CNTNAP2: variants seen among roughly 807,000 people sequenced by gnomAD.
CNTNAP2 encodes the protein contactin-associated protein-like 2.
A neutral mutation model predicts 155.2 loss-of-function variants in CNTNAP2; 98 were observed. The observed-to-expected ratio is 0.63, with a 90% CI of 0.54 to 0.75. The LOEUF is 0.75. Ranked by LOEUF, CNTNAP2 falls within the 30% of genes least tolerant of loss-of-function variation. CNTNAP2 has a pLI of 0.00. For missense variants in CNTNAP2, 1,727 were observed against 1,688.1 expected (o/e 1.02, Z -0.40); for synonymous variants, 651 against 631.2 (o/e 1.03, Z -0.47).
chr7:147,815,520 C>T (rs1242073010), intron 13 of CNTNAP2, among the ~76,000 whole-genome samples: 2 of 152,196 alleles, frequency 1.3e-5, no homozygotes, highest in African/African-American at 4.8e-5. Context: ...TTGACTTTCT[C>T]TTCTTCCACA....
chr7:147,003,661 A>G lies in CNTNAP2; in HGVS notation c.403-40246A>G, dbSNP rs116845058. On this transcript the variant is annotated intron_variant, in intron 3 of 23. Coordinates refer to ENST00000361727, the MANE Select transcript of CNTNAP2 (RefSeq NM_014141.6). ...GATATATATACAAGAATGCCACAGT[A>G]AAGAGTGGATAATGGTGATTTTGAG... is the stretch of plus-strand genomic sequence containing the variant. Among the ~76,000 whole-genome samples the G allele has an allele frequency of 4.1e-3, 621 of 152,152 alleles. 2 individuals are homozygous for G. The highest frequency in any genetic ancestry group is 5.8e-3 in the Non-Finnish European group (393 of 67,964).
intron 11 of CNTNAP2, among the ~76,000 whole-genome samples, chr7:147,539,295 T>TTC (rs1332763847): frequency 4.6e-5 from 7 of 152,164 alleles, no homozygotes; most frequent in Non-Finnish European, 7.4e-5. Flanking sequence ...TCTCTAAATG[T>TTC]TCATTCCTCA....
chr7:147,366,334 A>G (rs953859659), intron 9 of CNTNAP2, among the ~76,000 whole-genome samples: 5 of 152,050 alleles, frequency 3.3e-5, no homozygotes, highest in Non-Finnish European at 7.4e-5. Flanking sequence ...ATCTTTCCAG[A>G]GAATATGTTC....
intron 21 of CNTNAP2, among the ~76,000 whole-genome samples, chr7:148,346,773 TAAAAAAA>T (rs71188973): frequency 6.8e-6 from 1 of 147,046 alleles, no homozygotes. Flanking sequence ...ACTCCATCTT[TAAAAAAA>T]AAAAAAAAAA....
chr7:146,176,571 A>AAATTCCATCAG (rs1344070530), intron 1 of CNTNAP2, among the ~76,000 whole-genome samples: 1 of 152,162 alleles, frequency 6.6e-6, no homozygotes, highest in East Asian at 1.9e-4. Context: ...TGGGAATCAG[A>AAATTCCATCAG]AATTCTCCAT....
At chr7:146,794,442 T>C (rs1802731848) in intron 2 of CNTNAP2, among the ~76,000 whole-genome samples, 1 of 152,164 alleles carries the variant, frequency 6.6e-6, no homozygotes, top group African/African-American at 2.4e-5. Flanking sequence ...ATATACCTCA[T>C]TAAAAATAAA....
At chr7:147,189,951 A>G (rs1480097083) in intron 8 of CNTNAP2, among the ~76,000 whole-genome samples, 1 of 152,092 alleles carries the variant, frequency 6.6e-6, no homozygotes, top group Non-Finnish European at 1.5e-5. Flanking sequence ...TCACCGTGTT[A>G]GCCAGGATGA....
At chr7:147,670,481 G>A (rs888399588) in intron 13 of CNTNAP2, among the ~76,000 whole-genome samples, 2 of 152,160 alleles carry the variant, frequency 1.3e-5, no homozygotes, top group Non-Finnish European at 2.9e-5. Flanking sequence ...ACCATGTGTG[G>A]CCCTGCCCCA....
chr7:146,426,864 C>G (rs1027294225), intron 1 of CNTNAP2, among the ~76,000 whole-genome samples: 4 of 128,176 alleles, frequency 3.1e-5, no homozygotes, highest in Non-Finnish European at 4.8e-5. Context: ...TGCACACACA[C>G]ACACAAAACA....
intron 22 of CNTNAP2, among the ~76,000 whole-genome samples, chr7:148,400,358 A>G (rs1034465127): frequency 2.6e-5 from 4 of 152,170 alleles, no homozygotes; most frequent in African/African-American, 9.7e-5. Flanking sequence ...CCGAATTTAT[A>G]TTCCCCTAGA....
chr7:146,120,932 A>C (rs775225831), intron 1 of CNTNAP2, among the ~76,000 whole-genome samples: 1 of 152,102 alleles, frequency 6.6e-6, no homozygotes, highest in Non-Finnish European at 1.5e-5. Context: ...AAATTGCCTA[A>C]GGATACATTT....
intron 9 of CNTNAP2, among the ~76,000 whole-genome samples, chr7:147,376,000 G>A (rs892303814): frequency 1.3e-5 from 2 of 152,006 alleles, no homozygotes; most frequent in Non-Finnish European, 2.9e-5. Context: ...AAGATATTCT[G>A]TATGACATTG....
chr7:148,069,313 T>C (rs941336764), intron 15 of CNTNAP2, among the ~76,000 whole-genome samples: 1 of 152,226 alleles, frequency 6.6e-6, no homozygotes, highest in Admixed American at 6.5e-5. Context: ...AAGGCTTTCC[T>C]GGATGTCAGT....
intron 15 of CNTNAP2, among the ~76,000 whole-genome samples, chr7:148,034,182 T>C (rs921718980): frequency 6.6e-6 from 1 of 152,240 alleles, no homozygotes; most frequent in Non-Finnish European, 1.5e-5. Context: ...AGTGAACAGA[T>C]GAATTTCAAG....
At chr7:147,765,218 CA>C (rs1470122841) in intron 13 of CNTNAP2, among the ~76,000 whole-genome samples, 2 of 152,114 alleles carry the variant, frequency 1.3e-5, no homozygotes, top group Non-Finnish European at 2.9e-5. Flanking sequence ...CTCAGCAGTT[CA>C]AAAGTGCCAT....
chr7:146,754,251 T>G (rs1801954047), intron 1 of CNTNAP2, among the ~76,000 whole-genome samples: 1 of 151,992 alleles, frequency 6.6e-6, no homozygotes, highest in African/African-American at 2.4e-5. Context: ...GGAGTCAAAC[T>G]CGTAAAGAAA....
At chr7:147,252,100 C>T (rs535058898) in intron 8 of CNTNAP2, among the ~76,000 whole-genome samples, 12 of 152,120 alleles carry the variant, frequency 7.9e-5, no homozygotes, top group Non-Finnish European at 1.5e-4. Flanking sequence ...TTATTTCAAA[C>T]GTGCTGTTGG....
intron 17 of CNTNAP2, among the ~76,000 whole-genome samples, chr7:148,157,076 C>CA (rs1805412959): frequency 6.6e-6 from 1 of 152,156 alleles, no homozygotes; most frequent in African/African-American, 2.4e-5. Context: ...TTACTTATGC[C>CA]ACACACTGAG....
At chr7:146,879,501 A>G (rs1265558500) in intron 3 of CNTNAP2, among the ~76,000 whole-genome samples, 1 of 152,014 alleles carries the variant, frequency 6.6e-6, no homozygotes, top group Non-Finnish European at 1.5e-5. Flanking sequence ...TATAATATTA[A>G]ATTAGCATTT....
Sources: gnomAD v4.1 joint callset for allele counts (sites outside exome capture counted in the v4.1 genomes callset) on GRCh38, gnomAD v4.1.1 for gene constraint, MANE v1.5 for transcripts, NCBI Gene and HGNC (gene_info 2026-07-23, HGNC 2026-07-21) for gene names.